ZNF22: variants seen among roughly 807,000 people sequenced by gnomAD.
The protein encoded by ZNF22 is zinc finger protein 22.
ZNF22 carries 15 observed loss-of-function variants against 17.0 expected under a neutral mutation model. The observed-to-expected ratio is 0.88, with a 90% confidence interval of 0.59 to 1.36. The LOEUF (loss-of-function observed/expected upper bound fraction) is 1.36. ZNF22 is among the 40% of genes most tolerant of loss of function. The pLI is 0.00. For synonymous variants in ZNF22, 84 were observed against 90.7 expected (o/e 0.93, Z 0.42); for missense variants, 272 against 276.1 (o/e 0.98, Z 0.11).
In ZNF22 at chr10:45,004,083, AAAAAT is replaced by A. The variant is rs772917163; in HGVS notation, c.*45_*49del. 7 of 1,529,392 alleles carry A rather than the reference AAAAAT, an allele frequency of 4.6e-6. No individual in the cohort carries two copies. Among genetic ancestry groups the A allele is most frequent in the Admixed American group, 2.2e-5 (1 of 44,510 alleles). The allele number at this position is 1,529,392 out of a possible 1,614,324, so 94.7% of individuals were successfully genotyped here. Reference sequence around the variant, plus strand: ...GACAGCTTTTTGAGACCTCTTAAGAAAAAATAAAAAGTAAAAAATGAAAGGAATCT... The same window carrying A: ...GACAGCTTTTTGAGACCTCTTAAGAAAAAAAGTAAAAAATGAAAGGAATCT... On this transcript the variant is annotated 3_prime_UTR_variant, in exon 2 of 2. Transcript: ENST00000298299.
intron 1 of ZNF22, chr10:45,002,882 T>C (rs1000231261): frequency 6.5e-6 from 1 of 152,956 alleles, no homozygotes; most frequent in African/African-American, 2.4e-5. Flanking sequence ...TACACAAATT[T>C]TGATTGTCTT....
At position 45,003,677 on chromosome 10, in the gene ZNF22, G is replaced by T; in HGVS notation, c.309G>T (p.Arg103=). 6.2e-7 allele frequency: 1 copy of T among 1,614,218 alleles called. No homozygotes were observed. Among genetic ancestry groups the T allele is most frequent in the Non-Finnish European group, 8.5e-7 (1 of 1,180,036 alleles). Residue 103 remains arginine, a synonymous_variant, in exon 2 of 2, where the codon CGG becomes CGT. Transcript: ENST00000298299. ...FQSSNLIQHR[R]IHTGEKPYKC... is the part of the protein sequence containing the mutation. ...GTTCTAATCTCATTCAGCATCGACG[G>T]ATCCATACGGGGGAAAAGCCCTACA...
Position 45,003,450 on chromosome 10 carries a change from C to G in ZNF22, c.82C>G (p.Arg28Gly). The G allele has an allele frequency of 6.2e-7, 1 of 1,614,180 alleles. No individual in the cohort carries two copies. The highest frequency in any genetic ancestry group is 1.1e-5 in the South Asian group (1 of 91,080). The part of the protein sequence containing the change: ...KAYENKRKTG[R>G]QRQKWGMTIR... ...CTATGAGAACAAGCGCAAAACAGGC[C>G]GGCAGCGGCAGAAGTGGGGCATGAC... is the stretch of plus-strand genomic sequence containing the variant. Residue 28 changes from arginine (R) to glycine (G), a missense_variant, in exon 2 of 2, where the codon CGG (arginine) becomes GGG (glycine). Transcript: ENST00000298299.
chr10:45,000,963 T>A lies in ZNF22; in HGVS notation c.-105T>A. The A allele has an allele frequency of 3.3e-6, 3 of 909,110 alleles. No homozygotes were observed. Among genetic ancestry groups the A allele is most frequent in the Admixed American group, 4.8e-5 (1 of 20,938 alleles). 56.3% of individuals were successfully genotyped at this position (909,110 alleles called of 1,614,324 possible). On this transcript the variant is annotated 5_prime_UTR_variant, in exon 1 of 2. Coordinates refer to ENST00000298299, the MANE Select transcript of ZNF22 (RefSeq NM_006963.5). ...GGAGGCGCCCAGCGAGCCAGAGTGG[T>A]GGCTGGTCCCGCGCGGTGAGTGGGA...
intron 1 of ZNF22, chr10:45,003,076 C>T (rs556997935): frequency 1.1e-5 from 3 of 271,270 alleles, no homozygotes; most frequent in Admixed American, 4.9e-5. Flanking sequence ...ATTTGTTAAG[C>T]TTAAACTCTG....
rs1842355340 is a variant in ZNF22 at position 45,004,095 on chromosome 10, T to G, written c.*52T>G. The G allele has an allele frequency of 1.3e-6, 2 of 1,511,574 alleles. No individual in the cohort carries two copies. Among genetic ancestry groups the G allele is most frequent in the Non-Finnish European group, 1.8e-6 (2 of 1,128,364 alleles). 93.6% of individuals were successfully genotyped at this position (1,511,574 alleles called of 1,614,324 possible). On this transcript the variant is annotated 3_prime_UTR_variant, in exon 2 of 2. Coordinates refer to ENST00000298299, the MANE Select transcript of ZNF22 (RefSeq NM_006963.5). Reference sequence around the variant, plus strand: ...AGACCTCTTAAGAAAAAATAAAAAGTAAAAAATGAAAGGAATCTTTTTTAG... The same window carrying G: ...AGACCTCTTAAGAAAAAATAAAAAGGAAAAAATGAAAGGAATCTTTTTTAG...
rs1332254095 is a variant in ZNF22, at chr10:45,003,865, C to G, written c.497C>G (p.Pro166Arg). 6.2e-7 allele frequency: 1 copy of G among 1,614,134 alleles called. No individual in the cohort carries two copies. Among genetic ancestry groups the G allele is most frequent in the Non-Finnish European group, 8.5e-7 (1 of 1,180,028 alleles). The change falls in exon 2 of 2, where the codon CCC (proline) becomes CGC (arginine). Residue 166 changes from proline to arginine, a missense_variant. By Grantham distance (103) the Pro-to-Arg change is moderately radical. Transcript: ENST00000298299. ...CAGAGAACCCACACTGGGGAGAAACCCTACCAGTGCAGTGAATGTGGCAAA... is the reference window on the plus strand; with the variant it reads ...CAGAGAACCCACACTGGGGAGAAACGCTACCAGTGCAGTGAATGTGGCAAA... Reference protein sequence around the residue: ...QHQRTHTGEKPYQCSECGKCF... With the variant: ...QHQRTHTGEKRYQCSECGKCF...
Position 45,000,923 on chromosome 10 carries a change from A to G in ZNF22, c.-145A>G, listed in dbSNP as rs1842321923. 14 of 1,137,970 alleles carry G rather than the reference A, an allele frequency of 1.2e-5. 1 individual carries two copies. In the South Asian group the frequency reaches 1.9e-4, roughly 16 times the overall value. 70.5% of individuals were successfully genotyped at this position (1,137,970 alleles called of 1,614,324 possible). A position where few individuals can be genotyped will look rare whatever the true frequency, so the allele number is the denominator to read the frequency against. The stretch of plus-strand genomic sequence containing the variant: ...GGCGCCAGAGCGCGGCGAGGCCCTC[A>G]CTTCCGGCGGCGCGGGAGGCGCCCA... On this transcript the variant is annotated 5_prime_UTR_variant, in exon 1 of 2. Transcript: ENST00000298299.
intron 1 of ZNF22, 29 bp from the exon 2 acceptor site, chr10:45,003,249 ATC>A: frequency 1.1e-6 from 1 of 873,448 alleles, no homozygotes; most frequent in Non-Finnish European, 1.6e-6. Context: ...TTTTCTGATC[ATC>A]TCTAAATTTT....
At position 45,003,685 on chromosome 10, in the gene ZNF22, C is replaced by T; in HGVS notation, c.317C>T (p.Thr106Met). 6.2e-7 allele frequency: 1 copy of T among 1,614,188 alleles called. No homozygotes were observed. Among genetic ancestry groups the T allele is most frequent in the South Asian group, 1.1e-5 (1 of 91,082 alleles). Residue 106 changes from threonine to methionine, a missense_variant, in exon 2 of 2, where the codon ACG (threonine) becomes ATG (methionine). Physicochemically the swap from Thr to Met is moderately conservative, Grantham distance 81 (BLOSUM62 -1). Coordinates refer to ENST00000298299, the MANE Select transcript of ZNF22 (RefSeq NM_006963.5). ...SNLIQHRRIH[T>M]GEKPYKCDEC... is the part of the protein sequence containing the mutation. Reference sequence around the variant, plus strand: ...CTCATTCAGCATCGACGGATCCATACGGGGGAAAAGCCCTACAAATGTGAT... The same window carrying T: ...CTCATTCAGCATCGACGGATCCATATGGGGGAAAAGCCCTACAAATGTGAT...
Position 45,003,806 on chromosome 10 carries a change from G to C in ZNF22, c.438G>C (p.Arg146=). 1 of 1,614,162 alleles carries C rather than the reference G, an allele frequency of 6.2e-7. No individual in the cohort carries two copies. The highest frequency in any genetic ancestry group is 8.5e-7 in the Non-Finnish European group (1 of 1,180,026). Reference sequence around the variant, plus strand: ...CCTATCAGTGTGATGAGTGTGGCCGGTGTTTCAGCCAGAGCTCCCACCTTA... The same window carrying C: ...CCTATCAGTGTGATGAGTGTGGCCGCTGTTTCAGCCAGAGCTCCCACCTTA... ...EKPYQCDECG[R]CFSQSSHLIQ... Residue 146 remains arginine, a synonymous_variant, in exon 2 of 2, where the codon CGG becomes CGC. Coordinates refer to ENST00000298299, the MANE Select transcript of ZNF22 (RefSeq NM_006963.5).
rs1363301001 is a variant in ZNF22 at position 45,003,528 on chromosome 10, C to T, written c.160C>T (p.Pro54Ser). 4 of 1,614,106 alleles carry T rather than the reference C, an allele frequency of 2.5e-6. No homozygotes were observed. Among genetic ancestry groups the T allele is most frequent in the Non-Finnish European group, 3.4e-6 (4 of 1,180,056 alleles). ...ACTCAGAAGAAGCTTGGATGACAAACCCTATAAATGTACTGAATGTGAAAA... is the reference window on the plus strand; with the variant it reads ...ACTCAGAAGAAGCTTGGATGACAAATCCTATAAATGTACTGAATGTGAAAA... ...SRLRRSLDDKPYKCTECEKSF... is the reference protein window; with the variant it reads ...SRLRRSLDDKSYKCTECEKSF... The change falls in exon 2 of 2, where the codon CCC (proline) becomes TCC (serine). Residue 54 changes from proline (P) to serine (S), a missense_variant. Transcript: ENST00000298299.
intron 1 of ZNF22, 75 bp from the exon 2 acceptor site, chr10:45,003,205 T>G: frequency 1.8e-6 from 1 of 550,646 alleles, no homozygotes; most frequent in East Asian, 3.1e-5. Flanking sequence ...GAAGAGATAT[T>G]AAAATTGAAT....
rs764185145 is a variant in ZNF22 at position 45,005,030 on chromosome 10, C to A, written c.*987C>A. On this transcript the variant is annotated 3_prime_UTR_variant, in exon 2 of 2. Transcript: ENST00000298299. Reference sequence around the variant, plus strand: ...TCAAGACTGTGAGCTTTGGATAGCCCTGCTTAAATGTTTGTCAACAACAAG... The same window carrying A: ...TCAAGACTGTGAGCTTTGGATAGCCATGCTTAAATGTTTGTCAACAACAAG... The A allele has an allele frequency of 6.0e-6, 1 of 166,962 alleles. No homozygotes were observed. The highest frequency in any genetic ancestry group is 1.5e-5 in the Non-Finnish European group (1 of 68,132). 10.3% of individuals were successfully genotyped at this position (166,962 alleles called of 1,614,324 possible).
chr10:45,003,415 A>C lies in ZNF22; in HGVS notation c.47A>C (p.Gln16Pro). Residue 16 changes from glutamine (Q) to proline (P), a missense_variant, in exon 2 of 2, where the codon CAA (glutamine) becomes CCA (proline). Gln to Pro is a moderately conservative substitution (Grantham distance 76). Transcript: ENST00000298299. ...GCGGGTATTTCTCGGAGCTCAAGCC[A>C]AGGAAAGGCCTATGAGAACAAGCGC... ...PKAGISRSSS[Q>P]GKAYENKRKT... The C allele has an allele frequency of 6.2e-7, 1 of 1,612,560 alleles. No homozygotes were observed. Among genetic ancestry groups the C allele is most frequent in the South Asian group, 1.1e-5 (1 of 90,786 alleles).
chr10:45,004,728 A>G lies in ZNF22; in HGVS notation c.*685A>G, dbSNP rs1842360773. 2 of 167,110 alleles carry G rather than the reference A, an allele frequency of 1.2e-5. No homozygotes were observed. 10.4% of individuals were successfully genotyped at this position (167,110 alleles called of 1,614,324 possible). ...TTAACCAAATTCTTAGAGATACTAT[A>G]GAATCCAAATGAGAACTGAATTGGA... is the stretch of plus-strand genomic sequence containing the variant. On this transcript the variant is annotated 3_prime_UTR_variant, in exon 2 of 2. Coordinates refer to ENST00000298299, the MANE Select transcript of ZNF22 (RefSeq NM_006963.5).
rs527336722 is a variant in ZNF22, at chr10:45,005,186, A to C, written c.*1143A>C. 2 of 167,006 alleles carry C rather than the reference A, an allele frequency of 1.2e-5. No homozygotes were observed. Among genetic ancestry groups the C allele is most frequent in the East Asian group, 3.9e-4 (2 of 5,194 alleles). The allele number at this position is 167,006 out of a possible 1,614,324, so 10.3% of individuals were successfully genotyped here. On this transcript the variant is annotated 3_prime_UTR_variant, in exon 2 of 2. Transcript: ENST00000298299. ...GAATGGTGCCAAGTGTCAGACTCTA[A>C]TGAGCCCTCAGCTCAGGTTTTAATT...
rs889383198 is a variant in ZNF22, at chr10:45,000,950, C to G, written c.-118C>G. 1 of 1,027,284 alleles carries G rather than the reference C, an allele frequency of 9.7e-7. No individual in the cohort carries two copies. The highest frequency in any genetic ancestry group is 1.3e-6 in the Non-Finnish European group (1 of 798,914). The allele number at this position is 1,027,284 out of a possible 1,614,324, so 63.6% of individuals were successfully genotyped here. On this transcript the variant is annotated 5_prime_UTR_variant, in exon 1 of 2. Transcript: ENST00000298299. ...TTCCGGCGGCGCGGGAGGCGCCCAG[C>G]GAGCCAGAGTGGTGGCTGGTCCCGC...
At position 45,003,637 on chromosome 10, in the gene ZNF22, A is replaced by C; in HGVS notation, c.269A>C (p.Lys90Thr). Residue 90 changes from lysine to threonine, a missense_variant, in exon 2 of 2, where the codon AAA becomes ACA. Transcript: ENST00000298299. Reference sequence around the variant, plus strand: ...TCCCATAAATGTGCTGATTGTGGGAAAAGTTTCTTTCAGAGTTCTAATCTC... The same window carrying C: ...TCCCATAAATGTGCTGATTGTGGGACAAGTTTCTTTCAGAGTTCTAATCTC... ...KKSHKCADCG[K>T]SFFQSSNLIQ... 1.2e-6 allele frequency: 2 copies of C among 1,614,260 alleles called. No individual in the cohort carries two copies. The highest frequency in any genetic ancestry group is 1.7e-6 in the Non-Finnish European group (2 of 1,180,052).
Sources: gnomAD v4.1 joint callset for allele counts on GRCh38, gnomAD v4.1.1 for gene constraint, MANE v1.5 for transcripts, NCBI Gene and HGNC (gene_info 2026-07-23, HGNC 2026-07-21) for gene names.